Variants in BRD1 observed in about 807,000 individuals in gnomAD.
The protein encoded by BRD1 is bromodomain-containing protein 1.
BRD1 carries 24 observed loss-of-function variants against 107.7 expected under a neutral mutation model. That is an observed-to-expected ratio of 0.22 (90% CI 0.16 to 0.31). The LOEUF (loss-of-function observed/expected upper bound fraction) is 0.31, where lower values mean the gene tolerates loss of function less well. Ranked by LOEUF, BRD1 falls within the 10% of genes least tolerant of loss-of-function variation. The probability of loss-of-function intolerance (pLI) is 1.00; values close to 1 mark genes in which losing one functional copy is unlikely to be tolerated. For synonymous variants in BRD1, 744 were observed against 686.1 expected, an observed-to-expected ratio of 1.08 and a Z score of -1.32; for missense variants, 1,279 against 1,638.6, an observed-to-expected ratio of 0.78 and a Z score of 3.79.
chr22:49,809,063 G>T (rs1050567085), intron 2 of BRD1, among the ~76,000 whole-genome samples: 1 of 150,372 alleles, frequency 6.7e-6, no homozygotes. Flanking sequence ...ACATTACAGT[G>T]AGCCGAGATC....
In BRD1 at chr22:49,774,413, C is replaced by T. The variant is rs1323875554; in HGVS notation, c.3390G>A (p.Gln1130=). Residue 1130 remains glutamine, a synonymous_variant, in exon 13 of 13, where the codon CAG becomes CAA. Coordinates refer to ENST00000404760, the MANE Select transcript of BRD1 (RefSeq NM_001304808.3). ...GAACCATTTTGGACTTAGGAAGCCA[C>T]TGCCTTTTTAAAAGGAAAAACAAGC... ...VLFFDNKRSW[Q]WLPKSKMVPL... is the part of the protein sequence containing the mutation. The T allele has an allele frequency of 1.3e-6, 2 of 1,598,654 alleles. No individual in the cohort carries two copies. The highest frequency in any genetic ancestry group is 1.7e-6 in the Non-Finnish European group (2 of 1,169,140).
chr22:49,797,948 G>A lies in BRD1; in HGVS notation c.1955C>T (p.Ala652Val), dbSNP rs2059566473. 3.1e-6 allele frequency: 5 copies of A among 1,614,210 alleles called. No individual in the cohort carries two copies. The highest frequency in any genetic ancestry group is 3.4e-6 in the Non-Finnish European group (4 of 1,180,036). ...NARDTVFYRA[A>V]VRLRDQGGVV... is the part of the protein sequence containing the mutation. ...ACCTCCCTGATCGCGCAGCCTCACC[G>A]CGGCTCTATAGAACACGGTGTCCCT... Residue 652 changes from alanine to valine, a missense_variant, in exon 6 of 13, where the codon GCG (alanine) becomes GTG (valine). Physicochemically the swap from Ala to Val is moderately conservative, Grantham distance 64. Coordinates refer to ENST00000404760, the MANE Select transcript of BRD1 (RefSeq NM_001304808.3).
In BRD1 at chr22:49,824,828, C is replaced by T. The variant is rs1817709813; in HGVS notation, c.-14-497G>A. On this transcript the variant is annotated intron_variant, in intron 1 of 12. Transcript: ENST00000404760. This position sits in a 1 kb window ranked among gnomAD's most constrained non-coding sequence, Gnocchi z 5.9. ...ATGCTCCCCCTAAACCACTCTTCCC[C>T]TCCCCACTACTCCCAGGAGAGCACT... The T allele has an allele frequency of 4.0e-6, 4 of 1,005,034 alleles. No individual in the cohort carries two copies. Among genetic ancestry groups the T allele is most frequent in the East Asian group, 1.9e-4 (2 of 10,420 alleles). 62.3% of individuals were successfully genotyped at this position (1,005,034 alleles called of 1,614,324 possible). A position where few individuals can be genotyped will look rare whatever the true frequency, so the allele number is the denominator to read the frequency against.
At chr22:49,808,768 G>C (rs767059986) in intron 2 of BRD1, among the ~76,000 whole-genome samples, 1 of 152,202 alleles carries the variant, frequency 6.6e-6, no homozygotes, top group Non-Finnish European at 1.5e-5. Flanking sequence ...CAAATGAGTA[G>C]AGGAGGAAAA....
rs781477678 is a variant in BRD1 at position 49,787,557 on chromosome 22, G to T, written c.2690C>A (p.Ala897Asp). Residue 897 changes from alanine (A) to aspartate (D), a missense_variant, in exon 8 of 13, where the codon GCC (alanine) becomes GAC (aspartate). By Grantham distance (126) the Ala-to-Asp change is moderately radical. Coordinates refer to ENST00000404760, the MANE Select transcript of BRD1 (RefSeq NM_001304808.3). ...AGTTGGCTGGGTTTCAGTGTTCTTG[G>T]CAGACTTTGGGGGGCTTACACTTTT... The part of the protein sequence containing the change: ...KSKSVSPPKS[A>D]KNTETQPTSP... The T allele has an allele frequency of 3.1e-6, 5 of 1,593,966 alleles. No homozygotes were observed. The South Asian group carries it at 5.6e-5, about 18-fold the overall frequency.
chr22:49,797,828 C>T lies in BRD1; in HGVS notation c.2075G>A (p.Arg692Gln), dbSNP rs1415005082. The T allele has an allele frequency of 1.1e-5, 17 of 1,604,066 alleles. No individual in the cohort carries two copies. The highest frequency in any genetic ancestry group is 1.3e-5 in the African/African-American group (1 of 74,794). Residue 692 changes from arginine to glutamine, a missense_variant, in exon 6 of 13, where the codon CGG becomes CAG. Coordinates refer to ENST00000404760, the MANE Select transcript of BRD1 (RefSeq NM_001304808.3). ...HLPERPAAAP[R>Q]RPFSWEDVDR... is the part of the protein sequence containing the mutation. ...ACCGTCTTCCCAGGAGAAAGGCCGC[C>T]GCGGTGCCGCAGCAGGCCGCTCAGG...
chr22:49,823,459 C>T lies in BRD1; in HGVS notation c.859G>A (p.Asp287Asn), dbSNP rs755515102. 12 of 1,609,790 alleles carry T rather than the reference C, an allele frequency of 7.5e-6. No individual in the cohort carries two copies. The Admixed American group carries it at 2.0e-4, about 27-fold the overall frequency. Residue 287 changes from aspartate to asparagine, a missense_variant, in exon 2 of 13, where the codon GAC (aspartate) becomes AAC (asparagine). Asp to Asn is a conservative substitution (Grantham distance 23, BLOSUM62 1). This residue lies in a region of BRD1 where 158 missense variants were observed against 310.2 expected (regional missense o/e 0.51). Coordinates refer to ENST00000404760, the MANE Select transcript of BRD1 (RefSeq NM_001304808.3). ...GCACACACCACGTGACCCCAGCGGT[C>T]GTCATCTGTCTTTTTGAAGGCACCA... Reference protein sequence around the residue: ...KGGAFKKTDDDRWGHVVCALW... With the variant: ...KGGAFKKTDDNRWGHVVCALW...
intron 2 of BRD1, among the ~76,000 whole-genome samples, chr22:49,817,026 C>G (rs1458170930): frequency 1.3e-5 from 2 of 152,234 alleles, no homozygotes; most frequent in African/African-American, 2.4e-5. Flanking sequence ...TCAGACACCC[C>G]ACAGGGACTC....
Position 49,787,746 on chromosome 22 carries a change from T to A in BRD1, c.2501A>T (p.Asp834Val). 2.6e-6 allele frequency: 4 copies of A among 1,550,884 alleles called. No individual in the cohort carries two copies. The highest frequency in any genetic ancestry group is 2.7e-5 in the African/African-American group (2 of 73,182). The change falls in exon 8 of 13, where the codon GAT becomes GTT. Residue 834 changes from aspartate (D) to valine (V), a missense_variant. Transcript: ENST00000404760. ...AGTGCAAGCGCTATGTGATTCATTA[T>A]CAAATGTGACTCTTTTGAAAAGTTT... ...QSKLFKRVTF[D>V]NESHSACTQS...
In BRD1 at chr22:49,773,717, A is replaced by T. The variant is rs1339559596; in HGVS notation, c.*516T>A. 1 of 152,640 alleles carries T rather than the reference A, an allele frequency of 6.6e-6. No individual in the cohort carries two copies. The highest frequency in any genetic ancestry group is 1.5e-5 in the Non-Finnish European group (1 of 68,100). 9.5% of individuals were successfully genotyped at this position (152,640 alleles called of 1,614,324 possible). A position where few individuals can be genotyped will look rare whatever the true frequency, so the allele number is the denominator to read the frequency against. ...TGCGGGGTTTGAGGTGGGCGGGACG[A>T]CGGGAGCGGGGACACACCCACCGGC... is the stretch of plus-strand genomic sequence containing the variant. On this transcript the variant is annotated 3_prime_UTR_variant, in exon 13 of 13. Coordinates refer to ENST00000404760, the MANE Select transcript of BRD1 (RefSeq NM_001304808.3).
At position 49,811,264 on chromosome 22, in the gene BRD1, T is replaced by C. The variant is rs147903172; in HGVS notation, c.1368-6904A>G. On this transcript the variant is annotated intron_variant, in intron 2 of 12. Coordinates refer to ENST00000404760, the MANE Select transcript of BRD1 (RefSeq NM_001304808.3). Reference sequence around the variant, plus strand: ...GGGGGAGGATGAGAAGGTGGGAAGTTGGGGTAATGGCTAAGAGGCACAGGG... The same window carrying C: ...GGGGGAGGATGAGAAGGTGGGAAGTCGGGGTAATGGCTAAGAGGCACAGGG... Among the ~76,000 whole-genome samples, 1,397 of 152,000 alleles carry C rather than the reference T, an allele frequency of 9.2e-3. 25 individuals carry two copies. Among genetic ancestry groups the C allele is most frequent in the African/African-American group, 0.033 (1,352 of 41,472 alleles).
intron 6 of BRD1, among the ~76,000 whole-genome samples, chr22:49,795,410 A>G (rs1304211526): frequency 6.6e-6 from 1 of 152,164 alleles, no homozygotes; most frequent in Non-Finnish European, 1.5e-5. Flanking sequence ...AGAAACCAGG[A>G]CTTCTCATCC....
intron 7 of BRD1, among the ~76,000 whole-genome samples, chr22:49,789,200 G>C (rs1342571586): frequency 6.6e-6 from 1 of 152,226 alleles, no homozygotes; most frequent in Non-Finnish European, 1.5e-5. Context: ...GGGAATGCTG[G>C]ATCCCAAGGC....
At chr22:49,812,071 A>T (rs2059859870) in intron 2 of BRD1, among the ~76,000 whole-genome samples, 1 of 151,732 alleles carries the variant, frequency 6.6e-6, no homozygotes, top group South Asian at 2.1e-4. Flanking sequence ...AAGAACATGG[A>T]TAAAATCCTA....
rs754417336 is a variant in BRD1 at position 49,798,129 on chromosome 22, G to A, written c.1786-12C>T. 8 of 1,585,786 alleles carry A rather than the reference G, an allele frequency of 5.0e-6. No homozygotes were observed. The highest frequency in any genetic ancestry group is 1.1e-5 in the South Asian group (1 of 87,958). On this transcript the variant is annotated splice_polypyrimidine_tract_variant and intron_variant, in intron 5 of 12. Transcript: ENST00000404760. ...AAATAATCTGGTACCTAATTTTAGG[G>A]AGGAAAAAGAATCATTTACAAACTA...
intron 2 of BRD1, 145 bp from the exon 3 acceptor site, chr22:49,804,505 C>T: frequency 1.1e-6 from 1 of 894,056 alleles, no homozygotes; most frequent in Non-Finnish European, 1.6e-6. Context: ...TTCTACTATC[C>T]CTAGTGCTGC....
Position 49,824,359 on chromosome 22 carries a change from T to C in BRD1, c.-14-28A>G, listed in dbSNP as rs780637615. On this transcript the variant is annotated intron_variant, in intron 1 of 12. Coordinates refer to ENST00000404760, the MANE Select transcript of BRD1 (RefSeq NM_001304808.3). The surrounding 1 kb of genome is among the most constrained non-coding windows in gnomAD (Gnocchi z 5.9). Reference sequence around the variant, plus strand: ...AAAATGAAGGCAAAAGTAAAGGTAATTCTACGCAGGGTGACCAAAGACTCG... The same window carrying C: ...AAAATGAAGGCAAAAGTAAAGGTAACTCTACGCAGGGTGACCAAAGACTCG... 1 of 1,604,506 alleles carries C rather than the reference T, an allele frequency of 6.2e-7. No individual in the cohort carries two copies. The highest frequency in any genetic ancestry group is 2.2e-5 in the East Asian group (1 of 44,738).
chr22:49,775,966 G>A (rs550998465), intron 11 of BRD1, 84 bp downstream of exon 11: 119 of 928,480 alleles, frequency 1.3e-4, no homozygotes, highest in South Asian at 9.0e-4. Context: ...TTGGACCACC[G>A]CCGTGAGCCT....
At chr22:49,784,299 C>T (rs979154494) in intron 8 of BRD1, among the ~76,000 whole-genome samples, 3 of 144,076 alleles carry the variant, frequency 2.1e-5, no homozygotes, top group African/African-American at 7.8e-5. Flanking sequence ...GCAACGGCGG[C>T]GAGTAGACAA....
Sources: allele counts gnomAD v4.1 joint callset (sites outside exome capture counted in the v4.1 genomes callset), GRCh38; gene constraint gnomAD v4.1.1; regional missense constraint gnomAD v4.1.1; non-coding constraint Gnocchi (gnomAD v3.1); transcripts MANE v1.5; gene names NCBI Gene and HGNC (gene_info 2026-07-23, HGNC 2026-07-21).